Variants in MACC1 observed in about 807,000 individuals in gnomAD.
MACC1 encodes the protein MET transcriptional regulator MACC1.
A neutral mutation model predicts 70.7 loss-of-function variants in MACC1; 79 were observed. That is an observed-to-expected ratio of 1.12 (90% confidence interval 0.93 to 1.35). The LOEUF (loss-of-function observed/expected upper bound fraction) is 1.35. Ranked by LOEUF, MACC1 falls within the 40% of genes most tolerant of loss-of-function variation. The probability of loss-of-function intolerance (pLI) is 0.00; values close to 1 mark genes in which losing one functional copy is unlikely to be tolerated. For missense variants in MACC1, 1,106 were observed against 978.1 expected (o/e 1.13, Z -1.74); for synonymous variants, 361 against 347.2 (o/e 1.04, Z -0.44).
chr7:20,193,806 A>G (rs1782708186), intron 1 of MACC1, among the ~76,000 whole-genome samples: 2 of 149,750 alleles, frequency 1.3e-5, no homozygotes, highest in Non-Finnish European at 3.0e-5. Flanking sequence ...TGTCTCATGA[A>G]TGGCAAAGTA....
intron 6 of MACC1, among the ~76,000 whole-genome samples, chr7:20,149,687 C>T (rs1224303919): frequency 6.6e-6 from 1 of 152,004 alleles, no homozygotes; most frequent in Non-Finnish European, 1.5e-5. Flanking sequence ...GTGAACTCTC[C>T]CCTCCAGGCC....
chr7:20,160,020 T>G lies in MACC1; in HGVS notation c.341A>C (p.Asp114Ala), dbSNP rs759083879. ...CREIENGNSF[D>A]SSGDELDVHQ... The stretch of plus-strand genomic sequence containing the variant: ...CACATCAAGTTCATCACCGGAGGAA[T>G]CAAAAGAATTTCCATTTTCTATTTC... The change falls in exon 5 of 7, where the codon GAT becomes GCT. Residue 114 changes from aspartate (D) to alanine (A), a missense_variant. Coordinates refer to ENST00000400331, the MANE Select transcript of MACC1 (RefSeq NM_182762.4). 3 of 1,611,496 alleles carry G rather than the reference T, an allele frequency of 1.9e-6. No individual in the cohort carries two copies. The highest frequency in any genetic ancestry group is 4.5e-5 in the East Asian group (2 of 44,866).
At chr7:20,167,859 T>C (rs1053329047) in intron 2 of MACC1, among the ~76,000 whole-genome samples, 2 of 152,176 alleles carry the variant, frequency 1.3e-5, no homozygotes, top group Non-Finnish European at 2.9e-5. Context: ...GCCACTGCCA[T>C]CTTGAAATAC....
chr7:20,153,723 T>A (rs760940187), intron 6 of MACC1, among the ~76,000 whole-genome samples: 1 of 152,210 alleles, frequency 6.6e-6, no homozygotes, highest in Non-Finnish European at 1.5e-5. Context: ...CAATCTCTCA[T>A]CACCAGTGGC....
rs753516219 is a variant in MACC1 at position 20,158,983 on chromosome 7, A to T, written c.1378T>A (p.Leu460Met). Residue 460 changes from leucine to methionine, a missense_variant, in exon 5 of 7, where the codon TTG becomes ATG. By Grantham distance (15) the Leu-to-Met change is conservative. Transcript: ENST00000400331. Reference protein sequence around the residue: ...GERKEIKQKQLEAGEVVHQQF... With the variant: ...GERKEIKQKQMEAGEVVHQQF... ...TGATGAACTACTTCACCTGCTTCCA[A>T]CTGCTTTTGTTTAATTTCTTTCCTT... 1.9e-6 allele frequency: 3 copies of T among 1,614,022 alleles called. No homozygotes were observed. Among genetic ancestry groups the T allele is most frequent in the Non-Finnish European group, 2.5e-6 (3 of 1,180,016 alleles).
At chr7:20,166,350 T>C (rs1193925182) in intron 2 of MACC1, among the ~76,000 whole-genome samples, 1 of 152,166 alleles carries the variant, frequency 6.6e-6, no homozygotes, top group Admixed American at 6.5e-5. Flanking sequence ...GCAACCAGTA[T>C]TTTTTTAAAA....
Position 20,159,264 on chromosome 7 carries a change from A to G in MACC1, c.1097T>C (p.Ile366Thr). 1 of 1,613,974 alleles carries G rather than the reference A, an allele frequency of 6.2e-7. No individual in the cohort carries two copies. The highest frequency in any genetic ancestry group is 8.5e-7 in the Non-Finnish European group (1 of 1,179,970). The change falls in exon 5 of 7, where the codon ATC becomes ACC. Residue 366 changes from isoleucine (I) to threonine (T), a missense_variant. By Grantham distance (89) the Ile-to-Thr change is moderately conservative (BLOSUM62 -1). Coordinates refer to ENST00000400331, the MANE Select transcript of MACC1 (RefSeq NM_182762.4). ...AATTCCAATTGAGGTGGTTTTGTGGATATAATCCCAAATGGTGGCAGCTGG... is the reference window on the plus strand; with the variant it reads ...AATTCCAATTGAGGTGGTTTTGTGGGTATAATCCCAAATGGTGGCAGCTGG... The part of the protein sequence containing the change: ...PSPAATIWDY[I>T]HKTTSIGIYG...
intron 1 of MACC1, among the ~76,000 whole-genome samples, chr7:20,173,036 T>C (rs1782335489): frequency 6.6e-6 from 1 of 152,190 alleles, no homozygotes; most frequent in African/African-American, 2.4e-5. Flanking sequence ...TAGTATAAAA[T>C]TGGGGTTCTC....
intron 6 of MACC1, among the ~76,000 whole-genome samples, chr7:20,144,802 A>C (rs1331100163): frequency 1.3e-5 from 2 of 152,200 alleles, no homozygotes; most frequent in Non-Finnish European, 2.9e-5. Context: ...TGAGAGCAGA[A>C]GAAAACACCA....
chr7:20,196,273 T>C (rs569907697), intron 1 of MACC1, among the ~76,000 whole-genome samples: 37 of 152,256 alleles, frequency 2.4e-4, no homozygotes, highest in Non-Finnish European at 4.1e-4. Context: ...CTCCGCCTCC[T>C]GGGTTCACGC....
At chr7:20,208,047 C>T (rs1328398930) in intron 1 of MACC1, among the ~76,000 whole-genome samples, 1 of 152,200 alleles carries the variant, frequency 6.6e-6, no homozygotes, top group East Asian at 1.9e-4. Flanking sequence ...CCTGCTGGGA[C>T]TCATCCTTTC....
intron 2 of MACC1, among the ~76,000 whole-genome samples, chr7:20,168,972 A>T (rs1263155398): frequency 1.3e-5 from 2 of 152,204 alleles, no homozygotes; most frequent in African/African-American, 4.8e-5. Flanking sequence ...AATTGAGATG[A>T]GTAGCTAAAA....
In MACC1 at chr7:20,140,974, G is replaced by T; in HGVS notation, c.2531C>A (p.Thr844Asn). ...LVNSLEVLRV[T>N]AFSTSEEV ...TACTTCCTCAGAAGTGGAGAATGCAGTTACTCTCAAAACCTCCAAAGAATT... is the reference window on the plus strand; with the variant it reads ...TACTTCCTCAGAAGTGGAGAATGCATTTACTCTCAAAACCTCCAAAGAATT... The change falls in exon 7 of 7, where the codon ACT (threonine) becomes AAT (asparagine). Residue 844 changes from threonine (T) to asparagine (N), a missense_variant. Transcript: ENST00000400331. The T allele has an allele frequency of 5.6e-6, 9 of 1,613,388 alleles. No homozygotes were observed. The highest frequency in any genetic ancestry group is 7.6e-6 in the Non-Finnish European group (9 of 1,179,660).
chr7:20,209,219 G>A (rs895537551), intron 1 of MACC1, among the ~76,000 whole-genome samples: 5 of 152,224 alleles, frequency 3.3e-5, no homozygotes, highest in African/African-American at 1.2e-4. Flanking sequence ...TGAGAAGAGG[G>A]CTACTGTCCT....
At chr7:20,176,293 T>C (rs1782391764) in intron 1 of MACC1, among the ~76,000 whole-genome samples, 1 of 151,986 alleles carries the variant, frequency 6.6e-6, no homozygotes, top group Non-Finnish European at 1.5e-5. Context: ...TCAATAAAAC[T>C]CGTAAAAATA....
At chr7:20,158,178 C>A (rs1286989454) in intron 5 of MACC1, 26 bp downstream of exon 5, 1 of 1,529,564 alleles carries the variant, frequency 6.5e-7, no homozygotes, top group South Asian at 1.3e-5. Context: ...GATGGCAATT[C>A]ATTACCATGA....
chr7:20,182,838 T>C (rs1782531180), intron 1 of MACC1, among the ~76,000 whole-genome samples: 1 of 152,182 alleles, frequency 6.6e-6, no homozygotes, highest in African/African-American at 2.4e-5. Context: ...CCATTAACAA[T>C]AGCAGCAATA....
At chr7:20,165,414 A>G (rs1782198324) in intron 2 of MACC1, among the ~76,000 whole-genome samples, 2 of 152,048 alleles carry the variant, frequency 1.3e-5, no homozygotes, top group African/African-American at 4.8e-5. Flanking sequence ...AGCCACTCTC[A>G]CTATCCCACA....
chr7:20,199,476 C>T, intron 1 of MACC1, among the ~76,000 whole-genome samples: 1 of 152,232 alleles, frequency 6.6e-6, no homozygotes, highest in Non-Finnish European at 1.5e-5. Flanking sequence ...CTCAGCTTGC[C>T]TTGATTGGCA....
Sources: gnomAD v4.1 joint callset for allele counts (sites outside exome capture counted in the v4.1 genomes callset) on GRCh38, gnomAD v4.1.1 for gene constraint, MANE v1.5 for transcripts, NCBI Gene and HGNC (gene_info 2026-07-23, HGNC 2026-07-21) for gene names.